CTNNA2: variants seen among roughly 807,000 people sequenced by gnomAD.
The protein encoded by CTNNA2 is catenin alpha-2.
A neutral mutation model predicts 101.0 loss-of-function variants in CTNNA2; 42 were observed. The observed-to-expected ratio is 0.42, with a 90% CI of 0.32 to 0.54. CTNNA2 has a LOEUF of 0.54. Ranked by LOEUF, CTNNA2 falls within the 20% of genes least tolerant of loss-of-function variation. The pLI is 0.14. For missense variants in CTNNA2, 871 were observed against 1,223.1 expected, an observed-to-expected ratio of 0.71 and a Z score of 4.29; for synonymous variants, 450 against 456.4, an observed-to-expected ratio of 0.99 and a Z score of 0.18.
intron 9 of CTNNA2, among the ~76,000 whole-genome samples, chr2:80,442,649 T>G (rs1682697499): frequency 6.6e-6 from 1 of 152,216 alleles, no homozygotes; most frequent in African/African-American, 2.4e-5. Context: ...TCTGTCTTTT[T>G]TACCCCTCTC....
intron 9 of CTNNA2, among the ~76,000 whole-genome samples, chr2:80,508,639 A>G (rs557467483): frequency 6.6e-6 from 1 of 151,926 alleles, no homozygotes; most frequent in South Asian, 2.1e-4. Context: ...TCCTTTATGG[A>G]ATAAATTTCC....
At chr2:79,720,715 A>G (rs1307195538) in intron 2 of CTNNA2, among the ~76,000 whole-genome samples, 2 of 152,088 alleles carry the variant, frequency 1.3e-5, no homozygotes, top group Non-Finnish European at 2.9e-5. Context: ...TAGAAATGCT[A>G]CTTTTTTTGT....
chr2:80,053,090 T>A (rs1696984126), intron 7 of CTNNA2, among the ~76,000 whole-genome samples: 1 of 152,360 alleles, frequency 6.6e-6, no homozygotes, highest in Admixed American at 6.5e-5. Flanking sequence ...GTATTTTCTT[T>A]ACTTTGACAT....
intron 7 of CTNNA2, among the ~76,000 whole-genome samples, chr2:80,241,624 TATC>T (rs36015395): frequency 2.6e-4 from 39 of 150,600 alleles, no homozygotes; most frequent in African/African-American, 7.7e-4. Flanking sequence ...TCTATCTATC[TATC>T]ATCTTTGTTA....
At chr2:79,385,115 C>A (rs548602647) in intron 4 of CTNNA2, among the ~76,000 whole-genome samples, 1 of 152,298 alleles carries the variant, frequency 6.6e-6, no homozygotes, top group African/African-American at 2.4e-5. Context: ...TGGTGACCTG[C>A]TTCCATCTTC....
chr2:79,543,085 A>C (rs1476001252), intron 1 of CTNNA2, among the ~76,000 whole-genome samples: 1 of 152,132 alleles, frequency 6.6e-6, no homozygotes, highest in Non-Finnish European at 1.5e-5. Context: ...TTTAGCTTAC[A>C]GTGTTAAGTG....
intron 7 of CTNNA2, among the ~76,000 whole-genome samples, chr2:80,090,076 T>C (rs1699689016): frequency 6.6e-6 from 1 of 151,738 alleles, no homozygotes; most frequent in South Asian, 2.1e-4. Flanking sequence ...AAATTATAAC[T>C]TAGAAGTTAA....
At chr2:79,548,320 TTTC>T (rs1673869855) in intron 1 of CTNNA2, among the ~76,000 whole-genome samples, 1 of 152,252 alleles carries the variant, frequency 6.6e-6, no homozygotes, top group African/African-American at 2.4e-5. Context: ...TGTGTGAATG[TTTC>T]TTATCTTAAA....
At chr2:79,467,203 C>T (rs2104542324) in intron 4 of CTNNA2, among the ~76,000 whole-genome samples, 1 of 152,266 alleles carries the variant, frequency 6.6e-6, no homozygotes, top group East Asian at 1.9e-4. Flanking sequence ...GAGCTGAAAA[C>T]CATGGCACGA....
At chr2:79,461,542 C>T (rs1293209306) in intron 4 of CTNNA2, among the ~76,000 whole-genome samples, 2 of 152,084 alleles carry the variant, frequency 1.3e-5, no homozygotes, top group African/African-American at 2.4e-5. Context: ...CTTCAGTCCC[C>T]ACCTCATATA....
intron 2 of CTNNA2, among the ~76,000 whole-genome samples, chr2:79,716,017 A>G (rs530054904): frequency 1.3e-5 from 2 of 148,740 alleles, no homozygotes; most frequent in South Asian, 2.1e-4. Context: ...TTAATCGACT[A>G]TAAGGATTGA....
chr2:79,208,369 G>A (rs1674127804), intron 2 of CTNNA2, among the ~76,000 whole-genome samples: 1 of 152,150 alleles, frequency 6.6e-6, no homozygotes, highest in Non-Finnish European at 1.5e-5. Context: ...TCACCTAGAT[G>A]GGAAAGGATA....
At chr2:79,274,203 C>G (rs1363702308) in intron 2 of CTNNA2, among the ~76,000 whole-genome samples, 1 of 151,996 alleles carries the variant, frequency 6.6e-6, no homozygotes, top group African/African-American at 2.4e-5. Context: ...TCAATCAGCT[C>G]TCTTGAAAGA....
chr2:80,143,047 G>A (rs1038806206), intron 7 of CTNNA2, among the ~76,000 whole-genome samples: 3 of 152,064 alleles, frequency 2.0e-5, no homozygotes, highest in Admixed American at 6.6e-5. Context: ...GAAGGGCCAC[G>A]GGATCATCCC....
chr2:79,286,393 A>G (rs764371403), intron 2 of CTNNA2, among the ~76,000 whole-genome samples: 1,831 of 152,102 alleles, frequency 0.012, 24 homozygotes, highest in Non-Finnish European at 0.019. Context: ...GGCTGGTACC[A>G]GTTGTTCCTT....
intron 2 of CTNNA2, among the ~76,000 whole-genome samples, chr2:79,742,404 T>G (rs960193930): frequency 6.6e-6 from 1 of 152,152 alleles, no homozygotes; most frequent in African/African-American, 2.4e-5. Flanking sequence ...TGAAAATAAA[T>G]CACATCTCAG....
chr2:79,943,595 C>G (rs533659394), intron 7 of CTNNA2, among the ~76,000 whole-genome samples: 1 of 152,198 alleles, frequency 6.6e-6, no homozygotes, highest in African/African-American at 2.4e-5. Flanking sequence ...CAGCTCAGCA[C>G]TTGCCTTTTA....
At chr2:79,237,194 T>A (rs920815601) in intron 2 of CTNNA2, among the ~76,000 whole-genome samples, 8 of 152,244 alleles carry the variant, frequency 5.3e-5, no homozygotes, top group Admixed American at 4.6e-4. Flanking sequence ...TTAGAAGCCA[T>A]GAAGCCAACA....
chr2:79,220,639 G>GTAT (rs1332388393), intron 2 of CTNNA2, among the ~76,000 whole-genome samples: 1 of 152,102 alleles, frequency 6.6e-6, no homozygotes, highest in Admixed American at 6.6e-5. Context: ...ACATGACAAG[G>GTAT]TATTCTACTT....
Sources: allele counts gnomAD v4.1 joint callset (sites outside exome capture counted in the v4.1 genomes callset), GRCh38; gene constraint gnomAD v4.1.1; transcripts MANE v1.5; gene names NCBI Gene and HGNC (gene_info 2026-07-23, HGNC 2026-07-21).